RAF1: variants seen among roughly 807,000 people sequenced by gnomAD.
The protein encoded by RAF1 is Raf-1 proto-oncogene, serine/threonine kinase, also known as RAF proto-oncogene serine/threonine-protein kinase.
Under a neutral mutation model 81.1 loss-of-function variants are expected in RAF1, and 27 were observed. The observed-to-expected ratio is 0.33, with a 90% CI of 0.25 to 0.46. The LOEUF is 0.46. Among genes scored for constraint, RAF1 ranks in the 20% least tolerant of loss-of-function variants. The pLI is 1.00. For missense variants in RAF1, 598 were observed against 826.0 expected (o/e 0.72, Z 3.38); for synonymous variants, 298 against 294.0 (o/e 1.01, Z -0.14).
intron 1 of RAF1, among the ~76,000 whole-genome samples, chr3:12,660,215 G>C (rs2060831848): frequency 2.0e-5 from 3 of 151,876 alleles, no homozygotes; most frequent in South Asian, 4.2e-4. Context: ...CTTTTTGTCA[G>C]AAATTACCAG....
intron 1 of RAF1, among the ~76,000 whole-genome samples, chr3:12,662,379 A>C: frequency 6.9e-6 from 1 of 144,616 alleles, no homozygotes; most frequent in Non-Finnish European, 1.5e-5. Flanking sequence ...AAAAGTTTGC[A>C]TTGTTCTGAA....
chr3:12,647,121 C>G (rs966968118), intron 1 of RAF1, among the ~76,000 whole-genome samples: 2 of 149,576 alleles, frequency 1.3e-5, no homozygotes, highest in Non-Finnish European at 3.0e-5. Context: ...ATGGTGAAAC[C>G]CCGTCTCTAC....
rs747472648 is a variant in RAF1, at chr3:12,641,490, G to GTTTTTTTTTTTT, written c.-27+22311_-27+22322dup. 2.2e-5 allele frequency among the ~76,000 whole-genome samples: 3 copies of GTTTTTTTTTTTT among 134,614 alleles called. No homozygotes were observed. In the South Asian group the frequency reaches 7.3e-4, roughly 33 times the overall value. 88.3% of individuals were successfully genotyped at this position (134,614 alleles called of 152,430 possible). A position where few individuals can be genotyped will look rare whatever the true frequency, so the allele number is the denominator to read the frequency against. On this transcript the variant is annotated intron_variant, in intron 1 of 17. Coordinates refer to ENST00000442415, the MANE Select transcript of RAF1 (RefSeq NM_001354689.3). ...CCCCCCCAAAAAAAAATGTTTTTTGGTTTTTTTTTTTTTTTTTTTGAAACA... is the reference window on the plus strand; with the variant it reads ...CCCCCCCAAAAAAAAATGTTTTTTGGTTTTTTTTTTTTTTTTTTTTTTTTTTTTTTTGAAACA...
At chr3:12,616,181 G>T (rs1483775092) in intron 2 of RAF1, among the ~76,000 whole-genome samples, 2 of 152,168 alleles carry the variant, frequency 1.3e-5, no homozygotes, top group Admixed American at 1.3e-4. Context: ...TTGTCTAAAT[G>T]ATACAGCTAA....
At chr3:12,604,429 A>C (rs1334651247) in intron 6 of RAF1, 140 bp from the exon 7 acceptor site, 1 of 946,240 alleles carries the variant, frequency 1.1e-6, no homozygotes, top group Admixed American at 2.1e-5. Flanking sequence ...TGATTCTTTC[A>C]AATGTGTGAC....
intron 5 of RAF1, among the ~76,000 whole-genome samples, chr3:12,606,536 GCTTTTT>G (rs1164958105): frequency 2.0e-5 from 3 of 152,028 alleles, no homozygotes; most frequent in Non-Finnish European, 2.9e-5. Context: ...GCTCCTGTGT[GCTTTTT>G]CTTTTTCTTT....
chr3:12,622,707 C>T (rs985895748), intron 1 of RAF1, among the ~76,000 whole-genome samples: 1 of 152,162 alleles, frequency 6.6e-6, no homozygotes, highest in African/African-American at 2.4e-5. Flanking sequence ...AGAACCCTGC[C>T]AATCTTGCTC....
chr3:12,629,811 G>A (rs960213578), intron 1 of RAF1, among the ~76,000 whole-genome samples: 4 of 152,242 alleles, frequency 2.6e-5, no homozygotes, highest in Middle Eastern at 3.4e-3. Flanking sequence ...AGGCATGACC[G>A]GTCTGGGTCT....
intron 5 of RAF1, among the ~76,000 whole-genome samples, chr3:12,607,966 A>AG (rs1173726219): frequency 6.6e-6 from 1 of 151,274 alleles, no homozygotes; most frequent in African/African-American, 2.4e-5. Context: ...AAAAAAAAAA[A>AG]AAAAAAAGGG....
intron 1 of RAF1, among the ~76,000 whole-genome samples, 185 bp from the exon 2 acceptor site, chr3:12,618,932 G>A (rs997827561): frequency 6.6e-6 from 1 of 152,162 alleles, no homozygotes; most frequent in African/African-American, 2.4e-5. Context: ...TGAGGAAAAT[G>A]GGACCAGCAG....
At chr3:12,598,141 T>G (rs1248169710) in intron 11 of RAF1, among the ~76,000 whole-genome samples, 1 of 150,976 alleles carries the variant, frequency 6.6e-6, no homozygotes. Context: ...GCCTCAGCCT[T>G]CCAAGTAGCT....
At chr3:12,597,625 C>G (rs1181481472) in intron 11 of RAF1, among the ~76,000 whole-genome samples, 1 of 152,072 alleles carries the variant, frequency 6.6e-6, no homozygotes, top group African/African-American at 2.4e-5. Flanking sequence ...CTAAAATATT[C>G]TGCAACTGGC....
chr3:12,586,293 G>A (rs2058330906), intron 14 of RAF1, among the ~76,000 whole-genome samples: 2 of 152,154 alleles, frequency 1.3e-5, no homozygotes, highest in Non-Finnish European at 2.9e-5. Flanking sequence ...CAATGTTGTA[G>A]TAAGAAATTC....
At chr3:12,613,394 C>T (rs2059275440) in intron 2 of RAF1, among the ~76,000 whole-genome samples, 1 of 152,112 alleles carries the variant, frequency 6.6e-6, no homozygotes, top group Admixed American at 6.5e-5. Flanking sequence ...TGACAGCAGC[C>T]AGCCAACCGC....
At chr3:12,586,019 C>T in intron 14 of RAF1, 1 of 531,048 alleles carries the variant, frequency 1.9e-6, no homozygotes, top group Non-Finnish European at 3.4e-6. Context: ...GATTATTTGG[C>T]CCTAGCCAAA....
rs565093465 is a variant in RAF1, at chr3:12,658,516, C to T, written c.-27+5297G>A. Among the ~76,000 whole-genome samples the T allele has an allele frequency of 1.7e-3, 263 of 152,168 alleles. 1 individual carries two copies. The highest frequency in any genetic ancestry group is 2.9e-3 in the Non-Finnish European group (200 of 68,002). ...ACTCAGGAGGCTGAGGCAGGAGAAT[C>T]GCTTGAACCCAGGAGGCAGAGGCTG... On this transcript the variant is annotated intron_variant, in intron 1 of 17. Coordinates refer to ENST00000442415, the MANE Select transcript of RAF1 (RefSeq NM_001354689.3).
At chr3:12,600,354 CATT>C (rs766738844) in intron 9 of RAF1, 31 bp downstream of exon 8, 44 of 1,614,030 alleles carry the variant, frequency 2.7e-5, no homozygotes, top group Non-Finnish European at 3.7e-5. Flanking sequence ...AAAAAAAGCC[CATT>C]ATTGTTGGCT....
At chr3:12,603,798 C>T (rs2058939080) in intron 7 of RAF1, among the ~76,000 whole-genome samples, 1 of 152,204 alleles carries the variant, frequency 6.6e-6, no homozygotes, top group Admixed American at 6.5e-5. Flanking sequence ...ATCTGTAGTT[C>T]TCCATCACTG....
At chr3:12,627,935 C>G (rs1024518907) in intron 1 of RAF1, among the ~76,000 whole-genome samples, 3 of 152,192 alleles carry the variant, frequency 2.0e-5, no homozygotes, top group African/African-American at 4.8e-5. Flanking sequence ...GCCTGGCCCA[C>G]ATGGCAAAAT....
Sources: allele counts gnomAD v4.1 joint callset (sites outside exome capture counted in the v4.1 genomes callset), GRCh38; gene constraint gnomAD v4.1.1; transcripts MANE v1.5; gene names NCBI Gene and HGNC (gene_info 2026-07-23, HGNC 2026-07-21).